TESMIN: variants seen among roughly 807,000 people sequenced by gnomAD.
TESMIN encodes testis expressed metallothionein like protein, also known as CXC domain containing 2.
TESMIN carries 34 observed loss-of-function variants against 47.4 expected under a neutral mutation model. The observed-to-expected ratio is 0.72, with a 90% confidence interval of 0.55 to 0.96. The LOEUF (loss-of-function observed/expected upper bound fraction) is 0.96, where lower values mean the gene tolerates loss of function less well. Among genes scored for constraint, TESMIN ranks in the 40% least tolerant of loss-of-function variants. TESMIN has a pLI of 0.00. For missense variants in TESMIN, 610 were observed against 637.2 expected, an observed-to-expected ratio of 0.96 and a Z score of 0.46; for synonymous variants, 278 against 258.9, an observed-to-expected ratio of 1.07 and a Z score of -0.71.
intron 6 of TESMIN, chr11:68,737,211 A>G: frequency 2.0e-6 from 2 of 985,350 alleles, no homozygotes; most frequent in Non-Finnish European, 2.4e-6. Context: ...CAATCATAGC[A>G]ACTGCACCCT....
chr11:68,733,427 G>C (rs1946351969), intron 6 of TESMIN, among the ~76,000 whole-genome samples: 1 of 152,184 alleles, frequency 6.6e-6, no homozygotes, highest in Non-Finnish European at 1.5e-5. Flanking sequence ...CCAGTATCTT[G>C]ACTAAATTAG....
At chr11:68,738,162 A>C (rs1307548301) in intron 6 of TESMIN, 1 of 986,210 alleles carries the variant, frequency 1.0e-6, no homozygotes, top group East Asian at 1.1e-4. Flanking sequence ...CAAGACAGGC[A>C]AGAAATAGCA....
Position 68,747,286 on chromosome 11 carries a change from T to C in TESMIN, c.552A>G (p.Glu184=), listed in dbSNP as rs777596500. The C allele has an allele frequency of 6.2e-7, 1 of 1,614,064 alleles. No homozygotes were observed. Among genetic ancestry groups the C allele is most frequent in the Non-Finnish European group, 8.5e-7 (1 of 1,179,890 alleles). Residue 184 remains glutamate, a synonymous_variant, in exon 3 of 10, where the codon GAA becomes GAG. Coordinates refer to ENST00000255087, the MANE Select transcript of TESMIN (RefSeq NM_004923.3). ...EATLQNLLAQ[E]SCCKFPSSQE... ...GGGACGATGGGAACTTGCAACAGGATTCCTGAGCAAGAAGATTCTGCAAAG... is the reference window on the plus strand; with the variant it reads ...GGGACGATGGGAACTTGCAACAGGACTCCTGAGCAAGAAGATTCTGCAAAG...
chr11:68,733,115 G>A (rs1202408260), intron 6 of TESMIN, among the ~76,000 whole-genome samples: 1 of 152,188 alleles, frequency 6.6e-6, no homozygotes, highest in Non-Finnish European at 1.5e-5. Context: ...GGAAACTGAT[G>A]CCCCTAGTGC....
chr11:68,719,866 GAAGGAGA>G (rs1268714858), intron 6 of TESMIN, among the ~76,000 whole-genome samples: 1 of 152,178 alleles, frequency 6.6e-6, no homozygotes, highest in Non-Finnish European at 1.5e-5. Flanking sequence ...GAGCATTACG[GAAGGAGA>G]GAGGAGAGAA....
At chr11:68,715,050 A>C (rs1946120236) in intron 7 of TESMIN, among the ~76,000 whole-genome samples, 1 of 152,212 alleles carries the variant, frequency 6.6e-6, no homozygotes, top group African/African-American at 2.4e-5. Context: ...TCCATAATTC[A>C]AGAGGAGAAT....
At chr11:68,714,171 C>T (rs1946106526) in intron 7 of TESMIN, among the ~76,000 whole-genome samples, 1 of 152,222 alleles carries the variant, frequency 6.6e-6, no homozygotes, top group South Asian at 2.1e-4. Context: ...CGTTCCGCTT[C>T]CTGGGGTTGA....
At chr11:68,732,414 G>T (rs1566320292) in intron 6 of TESMIN, among the ~76,000 whole-genome samples, 1 of 152,132 alleles carries the variant, frequency 6.6e-6, no homozygotes, top group Non-Finnish European at 1.5e-5. Flanking sequence ...CCCAGTTACA[G>T]TCTACACCCT....
At chr11:68,725,642 T>C (rs112437321) in intron 6 of TESMIN, among the ~76,000 whole-genome samples, 2 of 27,780 alleles carry the variant, frequency 7.2e-5, no homozygotes, top group Non-Finnish European at 2.3e-4. Context: ...CAGTTTTTTG[T>C]TGTTGTTGTT....
chr11:68,745,250 T>C, intron 3 of TESMIN, 139 bp from the exon 4 acceptor site: 1 of 767,196 alleles, frequency 1.3e-6, no homozygotes, highest in Non-Finnish European at 2.0e-6. Context: ...TATAGATCTG[T>C]TTTCGATTTC....
chr11:68,737,733 A>T lies in TESMIN; in HGVS notation c.917+967T>A, dbSNP rs1308216053. The T allele has an allele frequency of 3.3e-6, 3 of 913,854 alleles. No homozygotes were observed. In the African/African-American group the frequency reaches 5.4e-5, roughly 16 times the overall value. 56.6% of individuals were successfully genotyped at this position (913,854 alleles called of 1,614,324 possible). A position where few individuals can be genotyped will look rare whatever the true frequency, so the allele number is the denominator to read the frequency against. Reference sequence around the variant, plus strand: ...TCAAGACCAGCCTGGCCAACATGGTAAAACCCAGTCTCTACTAAAAAATAC... The same window carrying T: ...TCAAGACCAGCCTGGCCAACATGGTTAAACCCAGTCTCTACTAAAAAATAC... On this transcript the variant is annotated intron_variant, in intron 6 of 9. Transcript: ENST00000255087.
rs1321143024 is a variant in TESMIN at position 68,708,426 on chromosome 11, G to A, written c.1409C>T (p.Ala470Val). Residue 470 changes from alanine (A) to valine (V), a missense_variant, in exon 10 of 10, where the codon GCC becomes GTC. Transcript: ENST00000255087. ...GCACTTGGAGCAGTGTTCTTTCTCGGCCTCTTCTCCCTGAGCAAGCAGGCA... is the reference window on the plus strand; with the variant it reads ...GCACTTGGAGCAGTGTTCTTTCTCGACCTCTTCTCCCTGAGCAAGCAGGCA... The part of the protein sequence containing the change: ...CACLLAQGEE[A>V]EKEHCSKCLA... 1.2e-6 allele frequency: 2 copies of A among 1,614,086 alleles called. No homozygotes were observed. Among genetic ancestry groups the A allele is most frequent in the Non-Finnish European group, 1.7e-6 (2 of 1,180,014 alleles).
intron 6 of TESMIN, chr11:68,738,467 C>A: frequency 7.5e-7 from 1 of 1,328,560 alleles, no homozygotes; most frequent in Non-Finnish European, 9.7e-7. Context: ...GACAGGAGGA[C>A]AGGGACAGAT....
At chr11:68,728,224 G>T (rs1210934240) in intron 6 of TESMIN, among the ~76,000 whole-genome samples, 2 of 152,208 alleles carry the variant, frequency 1.3e-5, no homozygotes, top group Non-Finnish European at 2.9e-5. Context: ...GCTTTCGGAG[G>T]AAATTAAAAG....
chr11:68,738,853 G>T, intron 5 of TESMIN, 65 bp from the exon 6 acceptor site: 1 of 1,359,142 alleles, frequency 7.4e-7, no homozygotes, highest in Non-Finnish European at 1.0e-6. Flanking sequence ...CAGTCAGCCA[G>T]CCCCCTAGAT....
intron 8 of TESMIN, among the ~76,000 whole-genome samples, 160 bp from the exon 9 acceptor site, chr11:68,711,209 CGT>C (rs1430991666): frequency 6.7e-6 from 1 of 149,596 alleles, no homozygotes; most frequent in Non-Finnish European, 1.5e-5. Flanking sequence ...TGGGTGAGAG[CGT>C]GTGTTGAACG....
chr11:68,713,212 G>A (rs1274696722), intron 8 of TESMIN, 58 bp downstream of exon 8: 8 of 1,507,780 alleles, frequency 5.3e-6, no homozygotes, highest in Non-Finnish European at 7.1e-6. Flanking sequence ...AACCACAAAA[G>A]TTACTCAACA....
chr11:68,716,901 T>C (rs1043808247), intron 6 of TESMIN, among the ~76,000 whole-genome samples: 3 of 152,202 alleles, frequency 2.0e-5, no homozygotes, highest in African/African-American at 7.2e-5. Context: ...TCTGTGAGCA[T>C]GGTTCATCGA....
At chr11:68,705,400 TGGTGAGA>T (rs1000043185), downstream of TESMIN, among the ~76,000 whole-genome samples, 2 of 152,188 alleles carry the variant, frequency 1.3e-5, no homozygotes, top group African/African-American at 4.8e-5. Context: ...CTTCAGGTAC[TGGTGAGA>T]GGTTTGTAAA....
Sources: allele counts gnomAD v4.1 joint callset (sites outside exome capture counted in the v4.1 genomes callset), GRCh38; gene constraint gnomAD v4.1.1; transcripts MANE v1.5; gene names NCBI Gene and HGNC (gene_info 2026-07-23, HGNC 2026-07-21).